Variants in RAP1A observed in about 807,000 individuals in gnomAD.
The protein encoded by RAP1A is ras-related protein Rap-1A.
In RAP1A, 6 loss-of-function variants were observed where a neutral mutation model predicts 26.4. That is an observed-to-expected ratio of 0.23 (90% CI 0.12 to 0.45). The LOEUF is 0.45. RAP1A is among the 20% of genes least tolerant of loss of function. The pLI, the probability that RAP1A is intolerant of heterozygous loss-of-function variation, is 0.99. For missense variants in RAP1A, 121 were observed against 217.2 expected (o/e 0.56, Z 2.78); for synonymous variants, 73 against 79.4 (o/e 0.92, Z 0.43).
chr1:111,675,259 A>T (rs904998453), intron 1 of RAP1A, among the ~76,000 whole-genome samples: 3 of 152,038 alleles, frequency 2.0e-5, no homozygotes, highest in African/African-American at 7.2e-5. Context: ...AGGCGGGTGG[A>T]TCATGAGGTC....
chr1:111,626,650 T>G (rs1557870345), intron 1 of RAP1A, among the ~76,000 whole-genome samples: 2 of 152,224 alleles, frequency 1.3e-5, no homozygotes, highest in Admixed American at 6.5e-5. Context: ...GATCCTCTTC[T>G]CTCCCGACCT....
At chr1:111,648,973 T>C (rs1660170308) in intron 1 of RAP1A, 2 of 644,146 alleles carry the variant, frequency 3.1e-6, no homozygotes, top group Admixed American at 3.6e-5. Context: ...AGAGCCTCGA[T>C]CTCTGGCTTC....
chr1:111,605,927 G>C (rs1385693095), intron 1 of RAP1A, among the ~76,000 whole-genome samples: 1 of 152,174 alleles, frequency 6.6e-6, no homozygotes, highest in Admixed American at 6.5e-5. Context: ...GAGGCTTCCA[G>C]AGCAAGCTGA....
At chr1:111,702,389 G>A (rs1662047378) in intron 4 of RAP1A, among the ~76,000 whole-genome samples, 1 of 151,948 alleles carries the variant, frequency 6.6e-6, no homozygotes, top group African/African-American at 2.4e-5. Flanking sequence ...AGTAATGATT[G>A]TCACCAAATA....
chr1:111,678,967 A>T (rs115658023), intron 1 of RAP1A, among the ~76,000 whole-genome samples: 1 of 152,234 alleles, frequency 6.6e-6, no homozygotes, highest in East Asian at 1.9e-4. Flanking sequence ...ACATATTGAT[A>T]CAATAAAAAG....
intron 1 of RAP1A, among the ~76,000 whole-genome samples, chr1:111,658,578 A>G (rs1660537204): frequency 6.6e-6 from 1 of 152,140 alleles, no homozygotes; most frequent in African/African-American, 2.4e-5. Flanking sequence ...AGACACAAAC[A>G]CACATATTCA....
intron 1 of RAP1A, among the ~76,000 whole-genome samples, chr1:111,683,567 T>C (rs1166252671): frequency 6.6e-6 from 1 of 151,976 alleles, no homozygotes; most frequent in African/African-American, 2.4e-5. Flanking sequence ...CTAGAAGAAA[T>C]GGATAAATTC....
chr1:111,651,053 C>T (rs1032720083), intron 1 of RAP1A, among the ~76,000 whole-genome samples: 1 of 152,104 alleles, frequency 6.6e-6, no homozygotes, highest in Non-Finnish European at 1.5e-5. Flanking sequence ...CCGCCCGCCT[C>T]GGCCTCCCAA....
chr1:111,687,791 A>G (rs964392806), intron 1 of RAP1A, among the ~76,000 whole-genome samples: 5 of 151,670 alleles, frequency 3.3e-5, no homozygotes, highest in Non-Finnish European at 7.4e-5. Context: ...AGGTGGGAGG[A>G]GCCTTTGAGC....
At chr1:111,635,531 C>A (rs1659701452) in intron 1 of RAP1A, among the ~76,000 whole-genome samples, 1 of 152,056 alleles carries the variant, frequency 6.6e-6, no homozygotes, top group African/African-American at 2.4e-5. Context: ...TGTTATTACC[C>A]CAAAGTTGGG....
chr1:111,593,707 T>C (rs1055438778), intron 1 of RAP1A, among the ~76,000 whole-genome samples: 5 of 133,208 alleles, frequency 3.8e-5, no homozygotes, highest in African/African-American at 1.4e-4. Context: ...AGGAGTGGAA[T>C]AGGCAGAGCC....
intron 1 of RAP1A, among the ~76,000 whole-genome samples, chr1:111,625,506 A>C (rs1659370966): frequency 6.6e-6 from 1 of 152,166 alleles, no homozygotes; most frequent in Non-Finnish European, 1.5e-5. Context: ...CAGAGAGTAA[A>C]TTCACTCACT....
At chr1:111,697,693 T>G (rs1661879671) in intron 4 of RAP1A, among the ~76,000 whole-genome samples, 196 bp downstream of exon 4, 1 of 152,178 alleles carries the variant, frequency 6.6e-6, no homozygotes, top group South Asian at 2.1e-4. Context: ...AAAGTTCACC[T>G]GTAATAATCT....
chr1:111,548,540 A>C (rs966577963), intron 1 of RAP1A, among the ~76,000 whole-genome samples: 10 of 152,216 alleles, frequency 6.6e-5, no homozygotes, highest in Non-Finnish European at 8.8e-5. Context: ...AGTTTGCACA[A>C]CTTTAATTTT....
At chr1:111,667,335 ATAAC>A (rs1213901785) in intron 1 of RAP1A, among the ~76,000 whole-genome samples, 1 of 152,228 alleles carries the variant, frequency 6.6e-6, no homozygotes, top group Non-Finnish European at 1.5e-5. Context: ...TATATTCTTG[ATAAC>A]TAATATTCAT....
At chr1:111,593,163 C>T (rs1226317112) in intron 1 of RAP1A, among the ~76,000 whole-genome samples, 1 of 152,162 alleles carries the variant, frequency 6.6e-6, no homozygotes, top group Non-Finnish European at 1.5e-5. Context: ...CTGACTCAAG[C>T]TAAGCCCAGG....
chr1:111,650,507 A>G (rs954293780), intron 1 of RAP1A: 6 of 152,130 alleles, frequency 3.9e-5, no homozygotes, highest in African/African-American at 1.4e-4. Flanking sequence ...TATCATTCCA[A>G]TTTCAGTATA....
chr1:111,629,270 C>T (rs1248305366), intron 1 of RAP1A, among the ~76,000 whole-genome samples: 1 of 151,970 alleles, frequency 6.6e-6, no homozygotes, highest in Admixed American at 6.6e-5. Flanking sequence ...CTCTCTCAGC[C>T]CTGAATTTTC....
intron 1 of RAP1A, among the ~76,000 whole-genome samples, chr1:111,555,808 C>G (rs761749703): frequency 7.9e-5 from 12 of 152,042 alleles, no homozygotes; most frequent in Non-Finnish European, 1.3e-4. Context: ...CTATAAACCT[C>G]TTAGAAGAAA....
Sources: allele counts gnomAD v4.1 joint callset (sites outside exome capture counted in the v4.1 genomes callset), GRCh38; gene constraint gnomAD v4.1.1; transcripts MANE v1.5; gene names NCBI Gene and HGNC (gene_info 2026-07-23, HGNC 2026-07-21).